Variants in GRK5 observed in about 807,000 individuals in gnomAD.
GRK5 encodes the protein G protein-coupled receptor kinase 5, also known as g protein-coupled receptor kinase GRK5.
In GRK5, 40 loss-of-function variants were observed where a neutral mutation model predicts 78.4. The observed-to-expected ratio is 0.51, with a 90% CI of 0.40 to 0.66. GRK5 has a LOEUF of 0.66. Ranked by LOEUF, GRK5 falls within the 30% of genes least tolerant of loss-of-function variation. The probability of loss-of-function intolerance (pLI) is 0.00; values close to 1 mark genes in which losing one functional copy is unlikely to be tolerated. For missense variants in GRK5, 598 were observed against 759.9 expected (o/e 0.79, Z 2.50); for synonymous variants, 289 against 296.8 (o/e 0.97, Z 0.27).
At chr10:119,440,150 C>T (rs1402628517) in intron 10 of GRK5, among the ~76,000 whole-genome samples, 1 of 152,140 alleles carries the variant, frequency 6.6e-6, no homozygotes, top group East Asian at 1.9e-4. Context: ...AAAATGGAAA[C>T]AAAGCGTCCT....
At chr10:119,415,620 G>A (rs1651771772) in intron 4 of GRK5, among the ~76,000 whole-genome samples, 1 of 152,214 alleles carries the variant, frequency 6.6e-6, no homozygotes, top group Admixed American at 6.5e-5. Context: ...TGGAGAGGAG[G>A]CAGTGGGTGG....
Position 119,443,550 on chromosome 10 carries a change from A to C in GRK5, c.1064A>C (p.Glu355Ala). The C allele has an allele frequency of 6.2e-7, 1 of 1,602,456 alleles. No homozygotes were observed. ...RVGTVGYMAP[E>A]VLNNQRYGLS... ...TCCTCTCCTCTGCCCCCAGCTCCAGAGGTCCTGAACAACCAGAGGTACGGC... is the reference window on the plus strand; with the variant it reads ...TCCTCTCCTCTGCCCCCAGCTCCAGCGGTCCTGAACAACCAGAGGTACGGC... Residue 355 changes from glutamate (E) to alanine (A), a missense_variant, in exon 12 of 16, where the codon GAG (glutamate) becomes GCG (alanine). Coordinates refer to ENST00000392870, the MANE Select transcript of GRK5 (RefSeq NM_005308.3).
chr10:119,251,231 T>A (rs1037727661), intron 1 of GRK5, among the ~76,000 whole-genome samples: 1 of 152,188 alleles, frequency 6.6e-6, no homozygotes, highest in Non-Finnish European at 1.5e-5. Context: ...ATGTGAACCA[T>A]TTGACAGAAT....
intron 8 of GRK5, among the ~76,000 whole-genome samples, chr10:119,435,266 A>G (rs1215736212): frequency 2.0e-5 from 3 of 152,202 alleles, no homozygotes; most frequent in Non-Finnish European, 2.9e-5. Flanking sequence ...TACTTATGCA[A>G]ATTTAGGCAG....
chr10:119,217,445 T>A lies in GRK5; in HGVS notation c.52+9476T>A, dbSNP rs960470479. 5.3e-5 allele frequency among the ~76,000 whole-genome samples: 8 copies of A among 152,368 alleles called. No individual in the cohort carries two copies. The East Asian group carries it at 1.5e-3, about 29-fold the overall frequency. On this transcript the variant is annotated intron_variant, in intron 1 of 15. Coordinates refer to ENST00000392870, the MANE Select transcript of GRK5 (RefSeq NM_005308.3). This position sits in a 1 kb window ranked among gnomAD's most constrained non-coding sequence, Gnocchi z 4.1. ...GTGCCTGTACACACATAAGCACATG[T>A]GTACGTATGTGGTATGATCGCCTGT...
chr10:119,436,671 C>T lies in GRK5; in HGVS notation c.759C>T (p.Tyr253=), dbSNP rs534305178. The T allele has an allele frequency of 1.9e-5, 30 of 1,614,188 alleles. No individual in the cohort carries two copies. In the East Asian group the frequency reaches 3.3e-4, roughly 18 times the overall value. Residue 253 remains tyrosine (Y), a synonymous_variant, in exon 9 of 16, where the codon TAC becomes TAT. Transcript: ENST00000392870. ...CCCAGGTCAACCTGGCCTATGCCTA[C>T]GAGACCAAGGATGCACTGTGCTTGG... is the stretch of plus-strand genomic sequence containing the variant. ...SQFVVNLAYA[Y]ETKDALCLVL... is the part of the protein sequence containing the mutation.
Position 119,263,014 on chromosome 10 carries a change from C to T in GRK5, c.52+55045C>T, listed in dbSNP as rs114253754. ...ATATCTCTTGGAGATTCACAATGTACATTTTTTTTTTGAGACGGAGTCTTG... is the reference window on the plus strand; with the variant it reads ...ATATCTCTTGGAGATTCACAATGTATATTTTTTTTTTGAGACGGAGTCTTG... On this transcript the variant is annotated intron_variant, in intron 1 of 15. Coordinates refer to ENST00000392870, the MANE Select transcript of GRK5 (RefSeq NM_005308.3). Among the ~76,000 whole-genome samples the T allele has an allele frequency of 4.2e-3, 636 of 152,104 alleles. 2 individuals carry two copies. The highest frequency in any genetic ancestry group is 0.015 in the African/African-American group (607 of 41,510).
At chr10:119,233,539 C>T (rs1278646635) in intron 1 of GRK5, among the ~76,000 whole-genome samples, 2 of 152,134 alleles carry the variant, frequency 1.3e-5, no homozygotes, top group Non-Finnish European at 2.9e-5. Context: ...AGAGAGTCCT[C>T]ATTGCATTGT....
At chr10:119,402,152 A>G (rs1852161897) in intron 4 of GRK5, among the ~76,000 whole-genome samples, 3 of 152,222 alleles carry the variant, frequency 2.0e-5, no homozygotes, top group African/African-American at 7.2e-5. Flanking sequence ...TGGGAAAGGC[A>G]GAGGAGCATC....
At position 119,271,703 on chromosome 10, in the gene GRK5, G is replaced by T. The variant is rs1280264852; in HGVS notation, c.53-54813G>T. Among the ~76,000 whole-genome samples the T allele has an allele frequency of 1.3e-5, 2 of 152,216 alleles. No homozygotes were observed. Among genetic ancestry groups the T allele is most frequent in the Non-Finnish European group, 2.9e-5 (2 of 68,044 alleles). ...CCTTTGACTCGTCAGGGAAAAACAG[G>T]TGTGTGAGCACTAGGTTGGTGACGA... is the stretch of plus-strand genomic sequence containing the variant. On this transcript the variant is annotated intron_variant, in intron 1 of 15. Coordinates refer to ENST00000392870, the MANE Select transcript of GRK5 (RefSeq NM_005308.3). The surrounding 1 kb of genome is among the most constrained non-coding windows in gnomAD (Gnocchi z 4.1).
At chr10:119,209,902 C>T (rs1848458951) in intron 1 of GRK5, among the ~76,000 whole-genome samples, 1 of 152,162 alleles carries the variant, frequency 6.6e-6, no homozygotes, top group Non-Finnish European at 1.5e-5. Context: ...TTTTATAATG[C>T]TTTGCTTAGA....
chr10:119,452,756 A>T lies in GRK5; in HGVS notation c.1490A>T (p.Asp497Val), dbSNP rs1320259667. The change falls in exon 14 of 16, where the codon GAC becomes GTC. Residue 497 changes from aspartate to valine, a missense_variant. Physicochemically the swap from Asp to Val is radical, Grantham distance 152. Coordinates refer to ENST00000392870, the MANE Select transcript of GRK5 (RefSeq NM_005308.3). This position sits in a 1 kb window ranked among gnomAD's most constrained non-coding sequence, Gnocchi z 4.4. ...GTCAATCTGGACCACACAGACGACG[A>T]CTTCTACTCCAAGTTCTCCACGGGC... ...KGVNLDHTDD[D>V]FYSKFSTGSV... is the part of the protein sequence containing the mutation. 15 of 1,612,822 alleles carry T rather than the reference A, an allele frequency of 9.3e-6. No homozygotes were observed. The highest frequency in any genetic ancestry group is 1.1e-5 in the Non-Finnish European group (13 of 1,179,608).
intron 1 of GRK5, among the ~76,000 whole-genome samples, chr10:119,243,796 A>G (rs993848715): frequency 2.6e-5 from 4 of 152,208 alleles, no homozygotes; most frequent in African/African-American, 9.6e-5. Context: ...GGAGTGCCAC[A>G]CAGTGAAAAC....
chr10:119,245,036 G>C (rs545240830), intron 1 of GRK5, among the ~76,000 whole-genome samples: 1 of 152,244 alleles, frequency 6.6e-6, no homozygotes, highest in South Asian at 2.1e-4. Context: ...CCAGCACTTT[G>C]GGAGGCCGAG....
chr10:119,257,160 G>C (rs1436241485), intron 1 of GRK5, among the ~76,000 whole-genome samples: 1 of 152,194 alleles, frequency 6.6e-6, no homozygotes, highest in East Asian at 1.9e-4. Flanking sequence ...TTTAACTTCA[G>C]TTACAGCCTC....
At chr10:119,394,122 GTGT>G (rs1851938599) in intron 3 of GRK5, among the ~76,000 whole-genome samples, 2 of 138,936 alleles carry the variant, frequency 1.4e-5, no homozygotes, top group Admixed American at 7.2e-5. Flanking sequence ...GGGGGTGTGT[GTGT>G]GTGTGTGGGT....
At chr10:119,294,251 A>G (rs781138837) in intron 1 of GRK5, among the ~76,000 whole-genome samples, 1 of 152,134 alleles carries the variant, frequency 6.6e-6, no homozygotes, top group African/African-American at 2.4e-5. Flanking sequence ...ATTTCTTGGT[A>G]AGGTGAGACT....
intron 1 of GRK5, among the ~76,000 whole-genome samples, chr10:119,256,716 CCT>C (rs1440886984): frequency 6.6e-5 from 10 of 152,132 alleles, no homozygotes; most frequent in Admixed American, 4.6e-4. Context: ...GAACATCCCC[CCT>C]CTTTTTATTG....
chr10:119,287,976 A>C (rs1849885584), intron 1 of GRK5, among the ~76,000 whole-genome samples: 1 of 152,076 alleles, frequency 6.6e-6, no homozygotes, highest in Admixed American at 6.5e-5. Flanking sequence ...GTTCATCCTA[A>C]CCCTTTGCTT....
Sources: gnomAD v4.1 joint callset for allele counts (sites outside exome capture counted in the v4.1 genomes callset) on GRCh38, gnomAD v4.1.1 for gene constraint, Gnocchi (gnomAD v3.1) non-coding constraint, MANE v1.5 for transcripts, NCBI Gene and HGNC (gene_info 2026-07-23, HGNC 2026-07-21) for gene names.